STXBP4: variants seen among roughly 807,000 people sequenced by gnomAD.
STXBP4 encodes syntaxin-binding protein 4.
Under a neutral mutation model 76.1 loss-of-function variants are expected in STXBP4, and 55 were observed. The ratio of observed to expected loss-of-function variants is 0.72; its 90% CI spans 0.58 to 0.91. STXBP4 has a LOEUF of 0.91. Ranked by LOEUF, STXBP4 falls within the 40% of genes least tolerant of loss-of-function variation. The pLI, the probability that STXBP4 is intolerant of heterozygous loss-of-function variation, is 0.00. For missense variants in STXBP4, 618 were observed against 636.9 expected (o/e 0.97, Z 0.32); for synonymous variants, 201 against 220.2 (o/e 0.91, Z 0.77).
intron 9 of STXBP4, among the ~76,000 whole-genome samples, chr17:55,033,093 G>T (rs1270216126): frequency 1.3e-5 from 2 of 152,148 alleles, no homozygotes; most frequent in Non-Finnish European, 2.9e-5. Flanking sequence ...CAGGTAGGAG[G>T]TCAGGTGCAG....
intron 16 of STXBP4, among the ~76,000 whole-genome samples, chr17:55,081,464 G>A (rs2079254264): frequency 6.6e-6 from 1 of 152,146 alleles, no homozygotes; most frequent in South Asian, 2.1e-4. Context: ...ACTGGAAACT[G>A]GAGGAGTGGA....
chr17:55,150,786 TG>T (rs2080207654), intron 17 of STXBP4, among the ~76,000 whole-genome samples: 1 of 152,102 alleles, frequency 6.6e-6, no homozygotes, highest in South Asian at 2.1e-4. Flanking sequence ...CCCTCAAAAA[TG>T]TTCACATCTT....
At chr17:55,059,305 A>T (rs879812174) in intron 12 of STXBP4, among the ~76,000 whole-genome samples, 1 of 152,124 alleles carries the variant, frequency 6.6e-6, no homozygotes, top group Non-Finnish European at 1.5e-5. Flanking sequence ...TAATTAATTA[A>T]TTTTTTGACA....
At chr17:55,090,677 A>C (rs1416651082) in intron 16 of STXBP4, among the ~76,000 whole-genome samples, 1 of 152,204 alleles carries the variant, frequency 6.6e-6, no homozygotes, top group African/African-American at 2.4e-5. Flanking sequence ...ACAAATGCAT[A>C]CATATACATA....
intron 16 of STXBP4, among the ~76,000 whole-genome samples, chr17:55,129,927 C>T (rs188998166): frequency 1.3e-5 from 2 of 152,218 alleles, no homozygotes; most frequent in Non-Finnish European, 2.9e-5. Flanking sequence ...GTGGGCCTGA[C>T]CTACATGAGC....
intron 16 of STXBP4, among the ~76,000 whole-genome samples, chr17:55,120,639 A>T (rs1293851059): frequency 6.6e-6 from 1 of 152,240 alleles, no homozygotes; most frequent in Non-Finnish European, 1.5e-5. Context: ...ACTTGTAGAC[A>T]TACTGGGTAA....
chr17:55,081,872 T>C (rs1250854324), intron 16 of STXBP4, among the ~76,000 whole-genome samples: 2 of 152,168 alleles, frequency 1.3e-5, no homozygotes, highest in Non-Finnish European at 1.5e-5. Flanking sequence ...ACTTCCATCA[T>C]CCCAACAGAC....
intron 10 of STXBP4, among the ~76,000 whole-genome samples, chr17:55,040,852 T>A (rs1259123758): frequency 1.3e-5 from 2 of 152,218 alleles, no homozygotes; most frequent in Admixed American, 6.5e-5. Context: ...AACACGCATC[T>A]GTCTGGAATT....
intron 9 of STXBP4, among the ~76,000 whole-genome samples, chr17:55,031,473 T>A (rs2144680399): frequency 6.6e-6 from 1 of 152,334 alleles, no homozygotes; most frequent in African/African-American, 2.4e-5. Context: ...CATTAGGACC[T>A]TTCAGCTCTA....
At chr17:55,007,333 C>A (rs2078027506) in intron 7 of STXBP4, among the ~76,000 whole-genome samples, 173 bp from the exon 8 acceptor site, 1 of 143,550 alleles carries the variant, frequency 7.0e-6, no homozygotes, top group African/African-American at 2.5e-5. Context: ...GACTCTGTCC[C>A]CCCTCCAAAA....
intron 10 of STXBP4, among the ~76,000 whole-genome samples, 179 bp downstream of exon 10, chr17:55,034,438 C>T (rs1389993669): frequency 6.6e-6 from 1 of 152,074 alleles, no homozygotes; most frequent in African/African-American, 2.4e-5. Context: ...TATTCATTCT[C>T]CTCTCTCGCT....
Position 55,170,037 on chromosome 17 carries a change from G to A in STXBP4, c.*10126G>A, listed in dbSNP as rs965599920. On this transcript the variant is annotated 3_prime_UTR_variant, in exon 18 of 18. Coordinates refer to ENST00000376352, the MANE Select transcript of STXBP4 (RefSeq NM_178509.6). ...TTTTTAAAACACAGTAATTATGTTA[G>A]TGCAGGTACATGACATAGATATCCT... 4 of 152,128 alleles carry A rather than the reference G, an allele frequency of 2.6e-5. No individual in the cohort carries two copies. Among genetic ancestry groups the A allele is most frequent in the African/African-American group, 9.7e-5 (4 of 41,434 alleles). 9.4% of individuals were successfully genotyped at this position (152,128 alleles called of 1,614,324 possible).
Position 55,001,005 on chromosome 17 carries a change from G to A in STXBP4, c.574+122G>A, listed in dbSNP as rs866465765. 108 of 631,260 alleles carry A rather than the reference G, an allele frequency of 1.7e-4. No individual in the cohort carries two copies. The Middle Eastern group carries it at 3.9e-3, about 23-fold the overall frequency. The allele number at this position is 631,260 out of a possible 1,614,324, so 39.1% of individuals were successfully genotyped here. A position where few individuals can be genotyped will look rare whatever the true frequency, so the allele number is the denominator to read the frequency against. On this transcript the variant is annotated intron_variant, in intron 7 of 17. Coordinates refer to ENST00000376352, the MANE Select transcript of STXBP4 (RefSeq NM_178509.6). The stretch of plus-strand genomic sequence containing the variant: ...TTATGTCTTTGTTCCTTCAGTGAAC[G>A]AAAAAGTAAAAATAATGTCTTTCCG...
At chr17:55,053,395 G>A (rs1197577982) in intron 12 of STXBP4, among the ~76,000 whole-genome samples, 2 of 151,914 alleles carry the variant, frequency 1.3e-5, no homozygotes, top group East Asian at 1.9e-4. Flanking sequence ...TAATTGCATT[G>A]TGTATAAATA....
intron 12 of STXBP4, among the ~76,000 whole-genome samples, chr17:55,063,968 GT>G (rs1430949557): frequency 2.0e-5 from 3 of 152,156 alleles, no homozygotes; most frequent in Non-Finnish European, 4.4e-5. Flanking sequence ...CAAGGAGGAA[GT>G]AGTGATAAGG....
At chr17:55,148,572 T>A (rs1460368923) in intron 17 of STXBP4, among the ~76,000 whole-genome samples, 1 of 152,030 alleles carries the variant, frequency 6.6e-6, no homozygotes, top group Non-Finnish European at 1.5e-5. Context: ...GAAGTCTCGC[T>A]CTGTCACCCA....
At chr17:55,035,979 T>C (rs2144704687) in intron 10 of STXBP4, among the ~76,000 whole-genome samples, 1 of 152,204 alleles carries the variant, frequency 6.6e-6, no homozygotes, top group East Asian at 1.9e-4. Context: ...AATTAACATA[T>C]GCTTTACCTC....
chr17:55,133,151 T>C (rs2079991284), intron 16 of STXBP4, among the ~76,000 whole-genome samples: 1 of 151,980 alleles, frequency 6.6e-6, no homozygotes, highest in Non-Finnish European at 1.5e-5. Flanking sequence ...AGGTAAGGGA[T>C]GGACCAATTT....
intron 1 of STXBP4, among the ~76,000 whole-genome samples, chr17:54,970,711 T>G (rs867363244): frequency 3.9e-5 from 6 of 152,218 alleles, no homozygotes; most frequent in Middle Eastern, 3.2e-3. Flanking sequence ...CCACTCACCA[T>G]TCTGTTTCTC....
Sources: allele counts gnomAD v4.1 joint callset (sites outside exome capture counted in the v4.1 genomes callset), GRCh38; gene constraint gnomAD v4.1.1; transcripts MANE v1.5; gene names NCBI Gene and HGNC (gene_info 2026-07-23, HGNC 2026-07-21).